The following KCNH8 variants were observed in gnomAD, a reference collection of about 807,000 sequenced individuals.
KCNH8 encodes the protein voltage-gated delayed rectifier potassium channel KCNH8.
A neutral mutation model predicts 103.6 loss-of-function variants in KCNH8; 70 were observed. That is an observed-to-expected ratio of 0.68 (90% CI 0.56 to 0.82). The LOEUF is 0.82. Ranked by LOEUF, KCNH8 falls within the 40% of genes least tolerant of loss-of-function variation. The pLI is 0.00. For missense variants in KCNH8, 1,217 were observed against 1,329.9 expected (o/e 0.92, Z 1.32); for synonymous variants, 498 against 489.4 (o/e 1.02, Z -0.23).
intron 5 of KCNH8, among the ~76,000 whole-genome samples, chr3:19,357,523 TG>T (rs2065895117): frequency 6.6e-6 from 1 of 151,956 alleles, no homozygotes; most frequent in Non-Finnish European, 1.5e-5. Flanking sequence ...CCCCTTTTAC[TG>T]GGCCATTTCA....
intron 15 of KCNH8, among the ~76,000 whole-genome samples, chr3:19,531,742 T>A (rs1174436196): frequency 6.6e-6 from 1 of 152,232 alleles, no homozygotes; most frequent in African/African-American, 2.4e-5. Flanking sequence ...AGTTGCTGGA[T>A]GAATTAGGAA....
chr3:19,337,609 T>C (rs1015201731), intron 3 of KCNH8, among the ~76,000 whole-genome samples: 1 of 152,016 alleles, frequency 6.6e-6, no homozygotes, highest in African/African-American at 2.4e-5. Context: ...ACACTCTTAC[T>C]AGATAATTTC....
chr3:19,202,374 A>C (rs1270943966), intron 1 of KCNH8, among the ~76,000 whole-genome samples: 1 of 152,168 alleles, frequency 6.6e-6, no homozygotes, highest in Non-Finnish European at 1.5e-5. Context: ...CCCATGTGCA[A>C]TGAAGTCATT....
In KCNH8 at chr3:19,352,878, A is replaced by G. The variant is rs150966275; in HGVS notation, c.811+4913A>G. 2.0e-3 allele frequency among the ~76,000 whole-genome samples: 305 copies of G among 152,358 alleles called. 1 individual carries two copies. The highest frequency in any genetic ancestry group is 1.5e-3 in the Non-Finnish European group (99 of 68,042). On this transcript the variant is annotated intron_variant, in intron 5 of 15. Coordinates refer to ENST00000328405, the MANE Select transcript of KCNH8 (RefSeq NM_144633.3). ...AGCTAGCAGATGGCAAGAAATAACT[A>G]AAATCAGAGCAGAGCTAAAGGAGAT...
At chr3:19,337,426 C>T (rs1202134433) in intron 3 of KCNH8, among the ~76,000 whole-genome samples, 1 of 152,008 alleles carries the variant, frequency 6.6e-6, no homozygotes, top group Admixed American at 6.6e-5. Flanking sequence ...TTTCATCTCT[C>T]AGTGTTGCTT....
intron 5 of KCNH8, among the ~76,000 whole-genome samples, chr3:19,360,312 T>C (rs975674113): frequency 2.6e-5 from 4 of 151,972 alleles, no homozygotes; most frequent in Non-Finnish European, 5.9e-5. Context: ...AAATCAAGTG[T>C]GGTGGATGGG....
intron 2 of KCNH8, among the ~76,000 whole-genome samples, chr3:19,274,857 TCCCCACCCCTCCCCTCCCCA>T (rs2064642905): frequency 1.3e-4 from 1 of 7,904 alleles, no homozygotes; most frequent in Non-Finnish European, 2.3e-4. Context: ...TCCCCTCCCC[TCCCCACCCCTCCCCTCCCCA>T]CCCCTCCCCT....
chr3:19,393,006 A>G (rs916200540), intron 6 of KCNH8, among the ~76,000 whole-genome samples: 1 of 151,978 alleles, frequency 6.6e-6, no homozygotes, highest in Non-Finnish European at 1.5e-5. Context: ...AAGACCTCAC[A>G]ACATATTAGT....
chr3:19,316,297 C>G (rs1334044762), intron 3 of KCNH8, among the ~76,000 whole-genome samples: 3 of 151,636 alleles, frequency 2.0e-5, no homozygotes, highest in Non-Finnish European at 4.4e-5. Flanking sequence ...CCAGTAATAC[C>G]CACACACAAG....
chr3:19,164,636 A>C (rs2063264789), intron 1 of KCNH8, among the ~76,000 whole-genome samples: 2 of 152,214 alleles, frequency 1.3e-5, no homozygotes, highest in Non-Finnish European at 2.9e-5. Context: ...TAAGGCATTA[A>C]ATTTATGATT....
intron 1 of KCNH8, among the ~76,000 whole-genome samples, chr3:19,195,041 A>G (rs926163834): frequency 6.6e-6 from 1 of 151,882 alleles, no homozygotes; most frequent in Non-Finnish European, 1.5e-5. Context: ...GAAAAAAATG[A>G]TTAATAAGAC....
intron 3 of KCNH8, among the ~76,000 whole-genome samples, chr3:19,338,688 A>G (rs1388319304): frequency 6.6e-6 from 1 of 152,074 alleles, no homozygotes; most frequent in Non-Finnish European, 1.5e-5. Flanking sequence ...CAGCAGTTGT[A>G]CATTTCTCTA....
At chr3:19,334,844 A>G (rs1346133693) in intron 3 of KCNH8, among the ~76,000 whole-genome samples, 5 of 151,962 alleles carry the variant, frequency 3.3e-5, no homozygotes, top group South Asian at 4.1e-4. Context: ...AGTAAAATGC[A>G]TATGTATTAT....
chr3:19,205,542 AG>A (rs2125220955), intron 1 of KCNH8, among the ~76,000 whole-genome samples: 1 of 152,096 alleles, frequency 6.6e-6, no homozygotes, highest in African/African-American at 2.4e-5. Context: ...CACTCAAGCA[AG>A]GGGGTATAGT....
In KCNH8 at chr3:19,253,901, C is replaced by A. The variant is rs768438674; in HGVS notation, c.310+14C>A. Reference sequence around the variant, plus strand: ...ACAAGAAAAACGGTGAGTTGGCTTTCTTTCGTGCTCACTGGAGAGTAGTGA... The same window carrying A: ...ACAAGAAAAACGGTGAGTTGGCTTTATTTCGTGCTCACTGGAGAGTAGTGA... On this transcript the variant is annotated intron_variant, in intron 2 of 15. Transcript: ENST00000328405. 6.3e-7 allele frequency: 1 copy of A among 1,579,356 alleles called. No individual in the cohort carries two copies. Among genetic ancestry groups the A allele is most frequent in the South Asian group, 1.1e-5 (1 of 90,120 alleles).
At chr3:19,185,394 G>A (rs1405957525) in intron 1 of KCNH8, among the ~76,000 whole-genome samples, 2 of 151,756 alleles carry the variant, frequency 1.3e-5, no homozygotes, top group Non-Finnish European at 3.0e-5. Flanking sequence ...CACTTTTCAT[G>A]TTCTTATTAG....
rs368115477 is a variant in KCNH8, at chr3:19,255,087, T to A, written c.310+1200T>A. ...GGGACCTAATCCAATATGACTAGAG[T>A]CCTTATAGGAAGCAGAAGAGGCACT... On this transcript the variant is annotated intron_variant, in intron 2 of 15. Coordinates refer to ENST00000328405, the MANE Select transcript of KCNH8 (RefSeq NM_144633.3). 8.6e-5 allele frequency among the ~76,000 whole-genome samples: 13 copies of A among 151,908 alleles called. 1 individual carries two copies. The highest frequency in any genetic ancestry group is 3.9e-4 in the Admixed American group (6 of 15,230).
At chr3:19,486,501 T>C (rs2068212685) in intron 11 of KCNH8, among the ~76,000 whole-genome samples, 1 of 152,216 alleles carries the variant, frequency 6.6e-6, no homozygotes, top group Admixed American at 6.5e-5. Context: ...GGCCGGCCTT[T>C]GGAAACCCCA....
chr3:19,379,522 C>T (rs1396695558), intron 5 of KCNH8, among the ~76,000 whole-genome samples: 1 of 152,048 alleles, frequency 6.6e-6, no homozygotes, highest in East Asian at 1.9e-4. Flanking sequence ...CACCTATAGT[C>T]CCAGCTGCTT....
Sources: allele counts gnomAD v4.1 joint callset (sites outside exome capture counted in the v4.1 genomes callset), GRCh38; gene constraint gnomAD v4.1.1; transcripts MANE v1.5; gene names NCBI Gene and HGNC (gene_info 2026-07-23, HGNC 2026-07-21).